CCDC91: variants seen among roughly 807,000 people sequenced by gnomAD.
CCDC91 encodes the protein coiled-coil domain-containing protein 91.
CCDC91 carries 48 observed loss-of-function variants against 63.2 expected under a neutral mutation model. The ratio of observed to expected loss-of-function variants is 0.76; its 90% CI spans 0.60 to 0.97. The LOEUF is 0.97. CCDC91 is among the 50% of genes least tolerant of loss of function. CCDC91 has a pLI of 0.00. For synonymous variants in CCDC91, 167 were observed against 165.8 expected (o/e 1.01, Z -0.06); for missense variants, 500 against 494.6 (o/e 1.01, Z -0.10).
At chr12:28,435,235 T>A (rs1948842538) in intron 8 of CCDC91, among the ~76,000 whole-genome samples, 2 of 151,804 alleles carry the variant, frequency 1.3e-5, no homozygotes. Context: ...TGATTTAGTA[T>A]TTTTCTAATG....
intron 12 of CCDC91, among the ~76,000 whole-genome samples, chr12:28,507,361 A>G (rs1462818070): frequency 6.6e-6 from 1 of 151,992 alleles, no homozygotes; most frequent in African/African-American, 2.4e-5. Context: ...TCACTGTCCC[A>G]TCTGTAGCAG....
intron 8 of CCDC91, among the ~76,000 whole-genome samples, chr12:28,398,676 A>AT (rs1468824414): frequency 6.6e-6 from 1 of 152,058 alleles, no homozygotes; most frequent in Non-Finnish European, 1.5e-5. Context: ...AGCACTTGGT[A>AT]TTGTCCATCT....
At chr12:28,434,774 T>C (rs572932983) in intron 8 of CCDC91, among the ~76,000 whole-genome samples, 29 of 151,630 alleles carry the variant, frequency 1.9e-4, no homozygotes, top group African/African-American at 6.3e-4. Context: ...GCTTTATGTT[T>C]TTGAAGGTTG....
Position 28,305,000 on chromosome 12 carries a change from G to A in CCDC91, c.110-649G>A, listed in dbSNP as rs140948761. 2.2e-3 allele frequency among the ~76,000 whole-genome samples: 335 copies of A among 152,156 alleles called. 3 individuals are homozygous for A. The highest frequency in any genetic ancestry group is 7.6e-3 in the African/African-American group (316 of 41,538). On this transcript the variant is annotated intron_variant, in intron 3 of 12. Coordinates refer to ENST00000536442, the MANE Select transcript of CCDC91 (RefSeq NM_018318.5). ...AGAAAAGAAAAGTTATTATTTTTCT[G>A]TATGGACAATTCAGCAAACTTAAAC...
Position 28,380,320 on chromosome 12 carries a change from T to C in CCDC91, c.655-10984T>C, listed in dbSNP as rs1344284989. Among the ~76,000 whole-genome samples the C allele has an allele frequency of 2.0e-5, 3 of 152,148 alleles. No homozygotes were observed. The East Asian group carries it at 5.8e-4, about 29-fold the overall frequency. ...CACATGTACCCTAGAACTTAAAGTA[T>C]AATAATAATAAAAAAGATGTGTAGA... is the stretch of plus-strand genomic sequence containing the variant. On this transcript the variant is annotated intron_variant, in intron 7 of 12. Transcript: ENST00000536442.
intron 3 of CCDC91, among the ~76,000 whole-genome samples, chr12:28,281,322 C>T (rs990462075): frequency 6.6e-6 from 1 of 152,114 alleles, no homozygotes; most frequent in Non-Finnish European, 1.5e-5. Context: ...CTAGACAAGT[C>T]TGAAATTCAT....
chr12:28,533,801 AT>A (rs1033568945), intron 12 of CCDC91, among the ~76,000 whole-genome samples: 40 of 151,688 alleles, frequency 2.6e-4, no homozygotes, highest in Non-Finnish European at 4.4e-4. Flanking sequence ...TTTTGCTGCA[AT>A]TTTTTTTCAA....
At chr12:28,427,714 C>T (rs1948403329) in intron 8 of CCDC91, among the ~76,000 whole-genome samples, 1 of 152,132 alleles carries the variant, frequency 6.6e-6, no homozygotes, top group African/African-American at 2.4e-5. Context: ...TTGGCTGTGA[C>T]AGTTCAGATG....
chr12:28,537,979 G>C (rs1434022382), intron 12 of CCDC91, among the ~76,000 whole-genome samples: 1 of 152,104 alleles, frequency 6.6e-6, no homozygotes, highest in Non-Finnish European at 1.5e-5. Flanking sequence ...GTACATATTA[G>C]AGAGGCAACT....
chr12:28,412,766 T>C, intron 8 of CCDC91: 1 of 453,804 alleles, frequency 2.2e-6, no homozygotes, highest in Non-Finnish European at 4.4e-6. Context: ...TGCCCTTTTT[T>C]CAATCCTTCC....
intron 3 of CCDC91, among the ~76,000 whole-genome samples, chr12:28,280,556 A>G (rs1316669174): frequency 6.6e-6 from 1 of 152,152 alleles, no homozygotes; most frequent in Non-Finnish European, 1.5e-5. Context: ...CTATATGTCT[A>G]TAATGGTGAT....
At chr12:28,305,582 C>G in intron 3 of CCDC91, 67 bp from the exon 4 acceptor site, 2 of 1,356,424 alleles carry the variant, frequency 1.5e-6, no homozygotes, top group Non-Finnish European at 2.0e-6. Context: ...TTCTTCCTTT[C>G]AACCTGTTCC....
At chr12:28,225,624 T>A (rs1490230773) in intron 1 of CCDC91, among the ~76,000 whole-genome samples, 3 of 152,172 alleles carry the variant, frequency 2.0e-5, no homozygotes, top group Non-Finnish European at 4.4e-5. Context: ...CCTGGCTAAT[T>A]TTTGTATTTT....
At chr12:28,512,313 C>T (rs537138662) in intron 12 of CCDC91, among the ~76,000 whole-genome samples, 3 of 151,956 alleles carry the variant, frequency 2.0e-5, no homozygotes, top group Non-Finnish European at 2.9e-5. Flanking sequence ...CTTAAATCAG[C>T]ATGAAGAATA....
chr12:28,290,166 C>T (rs193142827), intron 3 of CCDC91, among the ~76,000 whole-genome samples: 3 of 152,072 alleles, frequency 2.0e-5, no homozygotes, highest in East Asian at 1.9e-4. Flanking sequence ...GTCCCTATGA[C>T]CTTGCTTTAT....
intron 1 of CCDC91, among the ~76,000 whole-genome samples, chr12:28,208,986 T>C (rs1269711059): frequency 6.6e-6 from 1 of 151,908 alleles, no homozygotes; most frequent in Non-Finnish European, 1.5e-5. Context: ...TTTTGTATTT[T>C]TAGTAGAGAT....
chr12:28,236,763 G>A (rs1944976952), intron 1 of CCDC91: 1 of 151,984 alleles, frequency 6.6e-6, no homozygotes, highest in Non-Finnish European at 1.5e-5. Flanking sequence ...TTTCATTATG[G>A]AATGTTTTGT....
In CCDC91 at chr12:28,256,590, C is replaced by G. The variant is rs567234667; in HGVS notation, c.-14-612C>G. 5 of 152,232 alleles carry G rather than the reference C, an allele frequency of 3.3e-5. No homozygotes were observed. In the East Asian group the frequency reaches 9.7e-4, roughly 29 times the overall value. The allele number at this position is 152,232 out of a possible 1,614,324, so 9.4% of individuals were successfully genotyped here. The stretch of plus-strand genomic sequence containing the variant: ...ATTCTGGATATTTATTTGTGTTTTT[C>G]TCATCCCTCATCTCCCATGAATACA... On this transcript the variant is annotated intron_variant, in intron 1 of 12. Transcript: ENST00000536442.
At chr12:28,235,451 T>C (rs1047734661) in intron 1 of CCDC91, among the ~76,000 whole-genome samples, 21 of 152,122 alleles carry the variant, frequency 1.4e-4, no homozygotes, top group African/African-American at 4.8e-4. Flanking sequence ...TAAATGAGTA[T>C]GAAACAACTA....
Sources: gnomAD v4.1 joint callset for allele counts (sites outside exome capture counted in the v4.1 genomes callset) on GRCh38, gnomAD v4.1.1 for gene constraint, MANE v1.5 for transcripts, NCBI Gene and HGNC (gene_info 2026-07-23, HGNC 2026-07-21) for gene names.